The following TASP1 variants were observed in gnomAD, a reference collection of about 807,000 sequenced individuals.
TASP1 encodes the protein threonine aspartase 1.
TASP1 carries 16 observed loss-of-function variants against 56.6 expected under a neutral mutation model. The observed-to-expected ratio is 0.28, with a 90% CI of 0.19 to 0.43. The LOEUF (loss-of-function observed/expected upper bound fraction) is 0.43, where lower values mean the gene tolerates loss of function less well. TASP1 is among the 20% of genes least tolerant of loss of function. The pLI, the probability that TASP1 is intolerant of heterozygous loss-of-function variation, is 1.00. For synonymous variants in TASP1, 179 were observed against 184.2 expected, an observed-to-expected ratio of 0.97 and a Z score of 0.23; for missense variants, 393 against 511.6, an observed-to-expected ratio of 0.77 and a Z score of 2.24.
At chr20:13,170,338 A>T in the TASP1 span, among the ~76,000 whole-genome samples, 5,828 of 152,280 alleles carry the variant, frequency 0.038, 185 homozygotes, top group African/African-American at 0.084. Flanking sequence ...GCTAAACGTT[A>T]TATATTAGCA....
the TASP1 span, among the ~76,000 whole-genome samples, chr20:13,115,189 G>C: frequency 6.6e-6 from 1 of 152,118 alleles, no homozygotes; most frequent in African/African-American, 2.4e-5. Flanking sequence ...TTTTATGCAT[G>C]CGCTAGACTC....
At chr20:13,609,645 G>A (rs1213080030) in intron 4 of TASP1, among the ~76,000 whole-genome samples, 5 of 140,186 alleles carry the variant, frequency 3.6e-5, no homozygotes, top group African/African-American at 1.4e-4. Flanking sequence ...CTGAGACGGC[G>A]CCATTGCTCC....
At chr20:13,423,361 TG>T (rs1420159580) in intron 12 of TASP1, among the ~76,000 whole-genome samples, 12 of 152,244 alleles carry the variant, frequency 7.9e-5, no homozygotes. Flanking sequence ...AAGTAATAAT[TG>T]CTCTTCTACT....
the TASP1 span, among the ~76,000 whole-genome samples, chr20:13,199,953 A>C: frequency 6.6e-6 from 1 of 152,260 alleles, no homozygotes; most frequent in East Asian, 1.9e-4. Context: ...AGCAGTTAAC[A>C]AACATGGATT....
At chr20:13,260,186 T>C in the TASP1 span, among the ~76,000 whole-genome samples, 63 of 152,292 alleles carry the variant, frequency 4.1e-4, no homozygotes, top group African/African-American at 1.3e-3. Context: ...GCAGGAGCTT[T>C]CTCTTCACCT....
chr20:13,174,698 CGA>C, the TASP1 span, among the ~76,000 whole-genome samples: 1 of 120,396 alleles, frequency 8.3e-6, no homozygotes. Context: ...AACCTTGTCA[CGA>C]AAAAAAAAAA....
intron 10 of TASP1, among the ~76,000 whole-genome samples, chr20:13,498,331 TTGTGTGTGTGTGTGTGTG>T (rs60099056): frequency 4.2e-4 from 57 of 135,114 alleles, no homozygotes; most frequent in Admixed American, 1.7e-3. Flanking sequence ...TTCTTTTCTT[TTGTGTGTGTGTGTGTGTG>T]TGTGTGTGTG....
chr20:13,512,394 T>A (rs558616534), intron 10 of TASP1, among the ~76,000 whole-genome samples: 1 of 152,348 alleles, frequency 6.6e-6, no homozygotes, highest in Non-Finnish European at 1.5e-5. Context: ...GTTGGCTGCA[T>A]AAATGTCTTC....
At chr20:13,189,131 C>T in the TASP1 span, among the ~76,000 whole-genome samples, 116 of 152,178 alleles carry the variant, frequency 7.6e-4, 1 homozygote, top group Admixed American at 7.5e-3. Context: ...ATTTGCGAAT[C>T]GCTTATTGCT....
chr20:13,318,413 G>A, the TASP1 span, among the ~76,000 whole-genome samples: 1 of 152,072 alleles, frequency 6.6e-6, no homozygotes, highest in African/African-American at 2.4e-5. Context: ...TTGGAAGACA[G>A]TTTGATGTTT....
the TASP1 span, among the ~76,000 whole-genome samples, chr20:13,382,919 T>C: frequency 1.3e-5 from 2 of 152,248 alleles, no homozygotes; most frequent in Non-Finnish European, 1.5e-5. Context: ...GTTAGGAGCT[T>C]GCTCAGGGAC....
chr20:13,551,564 G>A (rs1222476763), intron 8 of TASP1, among the ~76,000 whole-genome samples: 1 of 151,996 alleles, frequency 6.6e-6, no homozygotes, highest in South Asian at 2.1e-4. Context: ...TCATATCCAG[G>A]GCTGGCTGTT....
intron 11 of TASP1, among the ~76,000 whole-genome samples, chr20:13,455,652 C>A (rs1436017358): frequency 6.6e-6 from 1 of 152,066 alleles, no homozygotes; most frequent in Non-Finnish European, 1.5e-5. Flanking sequence ...ATGAAGCCTG[C>A]AGCAGCAGAC....
chr20:13,127,027 C>T, the TASP1 span, among the ~76,000 whole-genome samples: 1 of 152,212 alleles, frequency 6.6e-6, no homozygotes, highest in Non-Finnish European at 1.5e-5. Context: ...CACATGTTTG[C>T]CTGTGCTTGC....
the TASP1 span, among the ~76,000 whole-genome samples, chr20:13,266,368 T>A: frequency 6.6e-6 from 1 of 152,190 alleles, no homozygotes; most frequent in South Asian, 2.1e-4. Context: ...AGTAGCTAAA[T>A]AATTTGACCA....
At chr20:13,277,466 GC>G in the TASP1 span, among the ~76,000 whole-genome samples, 1 of 151,998 alleles carries the variant, frequency 6.6e-6, no homozygotes, top group African/African-American at 2.4e-5. Context: ...GCTCAGCATC[GC>G]CCTGTCACTG....
At chr20:13,350,010 G>A in the TASP1 span, among the ~76,000 whole-genome samples, 1 of 152,088 alleles carries the variant, frequency 6.6e-6, no homozygotes, top group Non-Finnish European at 1.5e-5. Flanking sequence ...CATTAGCCAG[G>A]TATGGTGGCA....
the TASP1 span, among the ~76,000 whole-genome samples, chr20:13,143,175 CAAG>C: frequency 2.2e-4 from 34 of 152,104 alleles, no homozygotes; most frequent in Admixed American, 6.5e-4. Flanking sequence ...CCAAAAAGAC[CAAG>C]AAGGAGACCG....
chr20:13,351,894 T>G, the TASP1 span, among the ~76,000 whole-genome samples: 3 of 152,230 alleles, frequency 2.0e-5, no homozygotes, highest in Admixed American at 2.0e-4. Flanking sequence ...CTGTAGCCAC[T>G]AGTCTCATAT....
Sources: gnomAD v4.1 joint callset for allele counts (sites outside exome capture counted in the v4.1 genomes callset) on GRCh38, gnomAD v4.1.1 for gene constraint, MANE v1.5 for transcripts, NCBI Gene and HGNC (gene_info 2026-07-23, HGNC 2026-07-21) for gene names.